The following ADAMTSL3 variants were observed in gnomAD, a reference collection of about 807,000 sequenced individuals.
The protein encoded by ADAMTSL3 is ADAMTS like 3, also known as ADAMTS-like protein 3.
ADAMTSL3 carries 128 observed loss-of-function variants against 201.7 expected under a neutral mutation model. The observed-to-expected ratio is 0.63, with a 90% CI of 0.55 to 0.73. The LOEUF (loss-of-function observed/expected upper bound fraction) is 0.73, where lower values mean the gene tolerates loss of function less well. Among genes scored for constraint, ADAMTSL3 ranks in the 30% least tolerant of loss-of-function variants. The pLI is 0.00. For synonymous variants in ADAMTSL3, 738 were observed against 748.4 expected, an observed-to-expected ratio of 0.99 and a Z score of 0.23; for missense variants, 1,990 against 2,119.6, an observed-to-expected ratio of 0.94 and a Z score of 1.20.
At chr15:83,979,607 T>C (rs1376267461) in intron 20 of ADAMTSL3, among the ~76,000 whole-genome samples, 4 of 152,244 alleles carry the variant, frequency 2.6e-5, no homozygotes. Flanking sequence ...AACAGCCATC[T>C]TGAAAAAGGC....
intron 20 of ADAMTSL3, among the ~76,000 whole-genome samples, chr15:83,978,701 C>T (rs752935082): frequency 7.9e-5 from 12 of 152,216 alleles, no homozygotes; most frequent in Non-Finnish European, 1.2e-4. Context: ...CCATGAATTC[C>T]GATCTCTGGC....
chr15:83,948,705 A>G (rs908827308), intron 19 of ADAMTSL3, among the ~76,000 whole-genome samples: 7 of 152,210 alleles, frequency 4.6e-5, no homozygotes, highest in African/African-American at 1.7e-4. Flanking sequence ...ATCTAAATGC[A>G]TTAACTGTAT....
intron 8 of ADAMTSL3, among the ~76,000 whole-genome samples, chr15:83,868,235 G>C (rs1175101599): frequency 6.6e-6 from 1 of 152,154 alleles, no homozygotes; most frequent in African/African-American, 2.4e-5. Context: ...TGTGCATGCA[G>C]CTCTCACTAG....
At chr15:83,827,594 T>C (rs1310537029) in intron 6 of ADAMTSL3, among the ~76,000 whole-genome samples, 1 of 152,228 alleles carries the variant, frequency 6.6e-6, no homozygotes, top group Non-Finnish European at 1.5e-5. Flanking sequence ...CCCATGCCTA[T>C]GTCCTGAATG....
chr15:83,776,010 C>T (rs1393436616), intron 4 of ADAMTSL3, among the ~76,000 whole-genome samples: 1 of 152,166 alleles, frequency 6.6e-6, no homozygotes, highest in Non-Finnish European at 1.5e-5. Flanking sequence ...CTCTTCAAGT[C>T]CAGGGAGCCA....
intron 10 of ADAMTSL3, among the ~76,000 whole-genome samples, chr15:83,887,218 A>G (rs2065411993): frequency 6.6e-6 from 1 of 152,174 alleles, no homozygotes; most frequent in Admixed American, 6.5e-5. Flanking sequence ...GTGTCTTTGG[A>G]TAGCAGCTGG....
At chr15:83,763,697 A>G (rs559997379) in intron 3 of ADAMTSL3, among the ~76,000 whole-genome samples, 43 of 152,114 alleles carry the variant, frequency 2.8e-4, no homozygotes, top group East Asian at 5.9e-4. Context: ...AGTAGAGACG[A>G]GGTTTCACCC....
chr15:83,928,129 T>A (rs1344126886), intron 17 of ADAMTSL3, among the ~76,000 whole-genome samples: 4 of 152,032 alleles, frequency 2.6e-5, no homozygotes, highest in Non-Finnish European at 5.9e-5. Context: ...GAATGAGCCA[T>A]GTGCATCACT....
At chr15:83,773,183 G>A (rs921552988) in intron 3 of ADAMTSL3, among the ~76,000 whole-genome samples, 3 of 151,892 alleles carry the variant, frequency 2.0e-5, no homozygotes, top group African/African-American at 7.3e-5. Flanking sequence ...AGGCTGAGGC[G>A]GGCAGATCAC....
chr15:83,815,452 C>T (rs2063758302), intron 5 of ADAMTSL3, among the ~76,000 whole-genome samples: 1 of 152,128 alleles, frequency 6.6e-6, no homozygotes, highest in Non-Finnish European at 1.5e-5. Context: ...GGGCAAAGCC[C>T]ATCAAGTATA....
intron 4 of ADAMTSL3, among the ~76,000 whole-genome samples, chr15:83,783,832 A>G (rs1421628288): frequency 1.2e-5 from 1 of 84,054 alleles, no homozygotes; most frequent in Non-Finnish European, 2.5e-5. Context: ...ATCTGCATAT[A>G]TACTCTGTGT....
chr15:83,891,804 A>G (rs1298031548), intron 12 of ADAMTSL3, among the ~76,000 whole-genome samples: 1 of 152,194 alleles, frequency 6.6e-6, no homozygotes, highest in Non-Finnish European at 1.5e-5. Context: ...AATTGATTTA[A>G]TTTTCACAAT....
At chr15:84,003,652 T>G (rs910332724) in intron 23 of ADAMTSL3, among the ~76,000 whole-genome samples, 4 of 152,184 alleles carry the variant, frequency 2.6e-5, no homozygotes, top group African/African-American at 9.6e-5. Flanking sequence ...TGAAGGGTTT[T>G]GAATGCCCTA....
intron 3 of ADAMTSL3, among the ~76,000 whole-genome samples, chr15:83,712,919 A>G (rs571184554): frequency 2.0e-5 from 3 of 152,124 alleles, no homozygotes; most frequent in Middle Eastern, 3.2e-3. Context: ...GCCTCTCTCT[A>G]ATCTCAGACC....
At chr15:83,885,073 G>A (rs1442247013) in intron 9 of ADAMTSL3, 28 bp from the exon 10 acceptor site, 20 of 1,502,842 alleles carry the variant, frequency 1.3e-5, no homozygotes, top group African/African-American at 4.1e-5. Context: ...TTGTTTGCAC[G>A]TGTGTTCTCA....
chr15:84,017,155 C>T (rs1156558044), intron 25 of ADAMTSL3, among the ~76,000 whole-genome samples: 2 of 152,086 alleles, frequency 1.3e-5, no homozygotes, highest in East Asian at 1.9e-4. Context: ...TCTCGCTCTG[C>T]CTCCCAGGCT....
chr15:83,869,096 A>C (rs1040871342), intron 8 of ADAMTSL3, among the ~76,000 whole-genome samples: 1 of 152,196 alleles, frequency 6.6e-6, no homozygotes, highest in Non-Finnish European at 1.5e-5. Flanking sequence ...AATTTAATCA[A>C]GTCATTTCAG....
intron 9 of ADAMTSL3, among the ~76,000 whole-genome samples, chr15:83,878,706 AT>A (rs1347874177): frequency 1.3e-5 from 2 of 152,176 alleles, no homozygotes; most frequent in African/African-American, 4.8e-5. Flanking sequence ...GTGATTTTAA[AT>A]TATTTCACTT....
intron 2 of ADAMTSL3, among the ~76,000 whole-genome samples, chr15:83,659,514 C>T (rs547057672): frequency 2.6e-5 from 4 of 152,234 alleles, no homozygotes; most frequent in East Asian, 3.9e-4. Context: ...CAGGTGGCCT[C>T]GGGTAGATGC....
Sources: allele counts gnomAD v4.1 joint callset (sites outside exome capture counted in the v4.1 genomes callset), GRCh38; gene constraint gnomAD v4.1.1; transcripts MANE v1.5; gene names NCBI Gene and HGNC (gene_info 2026-07-23, HGNC 2026-07-21).